CPQ: variants seen among roughly 807,000 people sequenced by gnomAD.
CPQ encodes the protein Ser-Met dipeptidase.
In CPQ, 37 loss-of-function variants were observed where a neutral mutation model predicts 45.7. The ratio of observed to expected loss-of-function variants is 0.81; its 90% CI spans 0.62 to 1.07. The LOEUF (loss-of-function observed/expected upper bound fraction) is 1.07, where lower values mean the gene tolerates loss of function less well. Ranked by LOEUF, CPQ falls within the 50% of genes least tolerant of loss-of-function variation. The probability of loss-of-function intolerance (pLI) is 0.00; values close to 1 mark genes in which losing one functional copy is unlikely to be tolerated. For missense variants in CPQ, 537 were observed against 572.9 expected, an observed-to-expected ratio of 0.94 and a Z score of 0.64; for synonymous variants, 186 against 205.8, an observed-to-expected ratio of 0.90 and a Z score of 0.82.
At chr8:96,951,452 G>A (rs535697475) in intron 4 of CPQ, among the ~76,000 whole-genome samples, 2 of 152,196 alleles carry the variant, frequency 1.3e-5, no homozygotes, top group East Asian at 3.9e-4. Flanking sequence ...AGCCCCTGGT[G>A]CATTTTGGGA....
chr8:96,689,496 T>C (rs143625942), intron 1 of CPQ, among the ~76,000 whole-genome samples: 273 of 152,324 alleles, frequency 1.8e-3, no homozygotes, highest in African/African-American at 6.4e-3. Flanking sequence ...CATGCATTTC[T>C]TGATTGACTG....
chr8:96,945,876 T>A (rs1319208053), intron 4 of CPQ, among the ~76,000 whole-genome samples: 1 of 152,196 alleles, frequency 6.6e-6, no homozygotes, highest in Non-Finnish European at 1.5e-5. Flanking sequence ...GCTTTCAGGT[T>A]CCCCTGTGTT....
chr8:96,944,470 G>A (rs182948408), intron 4 of CPQ, among the ~76,000 whole-genome samples: 2 of 152,234 alleles, frequency 1.3e-5, no homozygotes, highest in East Asian at 1.9e-4. Flanking sequence ...GTCCTATGCT[G>A]TACCATTTCT....
intron 7 of CPQ, among the ~76,000 whole-genome samples, chr8:97,099,958 A>G (rs1256923703): frequency 6.6e-6 from 1 of 152,210 alleles, no homozygotes; most frequent in Non-Finnish European, 1.5e-5. Context: ...CCTGATATTA[A>G]CTAGCTATGT....
intron 1 of CPQ, among the ~76,000 whole-genome samples, chr8:96,710,652 T>C (rs1809595521): frequency 1.3e-5 from 2 of 152,178 alleles, no homozygotes; most frequent in African/African-American, 4.8e-5. Flanking sequence ...ATTTGTGTAG[T>C]TTTGAGGGTT....
chr8:96,663,725 C>T (rs535229644), intron 1 of CPQ, among the ~76,000 whole-genome samples: 8 of 152,126 alleles, frequency 5.3e-5, no homozygotes, highest in African/African-American at 1.9e-4. Flanking sequence ...ACATCTTAAA[C>T]TTCTATTGAA....
At chr8:96,942,816 A>G (rs902297720) in intron 4 of CPQ, among the ~76,000 whole-genome samples, 19 of 152,306 alleles carry the variant, frequency 1.2e-4, no homozygotes, top group African/African-American at 4.3e-4. Context: ...GACAATTCTG[A>G]TGCTGGTGCT....
chr8:97,076,650 A>G (rs1041726388), intron 7 of CPQ, among the ~76,000 whole-genome samples: 3 of 151,966 alleles, frequency 2.0e-5, no homozygotes, highest in Non-Finnish European at 4.4e-5. Flanking sequence ...TATCCCTTGT[A>G]TTTCCTGTGG....
chr8:97,088,533 T>G (rs929621603), intron 7 of CPQ, among the ~76,000 whole-genome samples: 7 of 152,220 alleles, frequency 4.6e-5, no homozygotes, highest in Admixed American at 4.6e-4. Flanking sequence ...GATTTCACCA[T>G]GAGTTTTCAA....
At chr8:96,980,044 C>T (rs1245538448) in intron 5 of CPQ, among the ~76,000 whole-genome samples, 2 of 152,080 alleles carry the variant, frequency 1.3e-5, no homozygotes, top group Non-Finnish European at 2.9e-5. Context: ...GTAGAATAAG[C>T]ATGTGCTCTA....
intron 6 of CPQ, among the ~76,000 whole-genome samples, chr8:97,046,041 T>A (rs1364339574): frequency 6.6e-6 from 1 of 152,238 alleles, no homozygotes; most frequent in Non-Finnish European, 1.5e-5. Flanking sequence ...TGAGCACTTT[T>A]GTCTTTCTTT....
At chr8:96,718,301 T>C (rs1002261890) in intron 1 of CPQ, among the ~76,000 whole-genome samples, 4 of 152,292 alleles carry the variant, frequency 2.6e-5, no homozygotes, top group Non-Finnish European at 4.4e-5. Context: ...TCACAGTGAG[T>C]GTTACAGCTC....
At chr8:96,759,059 A>T (rs1340078602) in intron 1 of CPQ, among the ~76,000 whole-genome samples, 1 of 152,186 alleles carries the variant, frequency 6.6e-6, no homozygotes, top group Admixed American at 6.5e-5. Context: ...CTTGGAACTC[A>T]GACGTCTTCT....
chr8:96,864,614 G>C (rs1811972891), intron 3 of CPQ, among the ~76,000 whole-genome samples: 1 of 88,766 alleles, frequency 1.1e-5, no homozygotes, highest in African/African-American at 5.8e-5. Flanking sequence ...AACCCAAAAG[G>C]GTCACAAACC....
intron 5 of CPQ, among the ~76,000 whole-genome samples, chr8:96,979,371 C>T (rs1487894497): frequency 6.6e-6 from 1 of 152,168 alleles, no homozygotes; most frequent in African/African-American, 2.4e-5. Context: ...CCCAGTTATA[C>T]TGAGCCTAGA....
At chr8:96,672,805 A>T (rs1007488055) in intron 1 of CPQ, among the ~76,000 whole-genome samples, 2 of 152,062 alleles carry the variant, frequency 1.3e-5, no homozygotes, top group African/African-American at 4.8e-5. Context: ...GTGGTCAAGG[A>T]GTGCTTCTTT....
intron 4 of CPQ, among the ~76,000 whole-genome samples, chr8:96,912,534 CA>C (rs1563527341): frequency 1.3e-5 from 2 of 152,110 alleles, no homozygotes; most frequent in African/African-American, 4.8e-5. Flanking sequence ...TTTGAGGACT[CA>C]GGGGCATATA....
chr8:96,767,928 G>GCCA (rs1810490637), intron 1 of CPQ, among the ~76,000 whole-genome samples: 1 of 152,012 alleles, frequency 6.6e-6, no homozygotes, highest in African/African-American at 2.4e-5. Flanking sequence ...TCAGGTGTGA[G>GCCA]CCACCGTGCC....
At chr8:96,827,356 A>T (rs1366099735) in intron 2 of CPQ, among the ~76,000 whole-genome samples, 2 of 151,952 alleles carry the variant, frequency 1.3e-5, no homozygotes, top group African/African-American at 4.8e-5. Flanking sequence ...AAGTAGACCC[A>T]TGGAGCCTAC....
Sources: allele counts gnomAD v4.1 joint callset (sites outside exome capture counted in the v4.1 genomes callset), GRCh38; gene constraint gnomAD v4.1.1; transcripts MANE v1.5; gene names NCBI Gene and HGNC (gene_info 2026-07-23, HGNC 2026-07-21).